The following ASTN2 variants were observed in gnomAD, a reference collection of about 807,000 sequenced individuals.
ASTN2 encodes astrotactin 2, also known as astrotactin-2.
Under a neutral mutation model 139.8 loss-of-function variants are expected in ASTN2, and 54 were observed. The observed-to-expected ratio is 0.39, with a 90% CI of 0.31 to 0.48. The LOEUF (loss-of-function observed/expected upper bound fraction) is 0.48, where lower values mean the gene tolerates loss of function less well. ASTN2 is among the 20% of genes least tolerant of loss of function. The pLI, the probability that ASTN2 is intolerant of heterozygous loss-of-function variation, is 0.95. For missense variants in ASTN2, 1,565 were observed against 1,725.1 expected (o/e 0.91, Z 1.64); for synonymous variants, 756 against 719.5 (o/e 1.05, Z -0.81).
chr9:117,025,851 G>A (rs1250763653), intron 6 of ASTN2, among the ~76,000 whole-genome samples: 4 of 148,980 alleles, frequency 2.7e-5, no homozygotes, highest in Admixed American at 6.8e-5. Context: ...GAGTGCAGTC[G>A]CGTGATCTTG....
At chr9:116,596,217 G>A (rs1171236685) in intron 19 of ASTN2, among the ~76,000 whole-genome samples, 1 of 152,164 alleles carries the variant, frequency 6.6e-6, no homozygotes, top group Non-Finnish European at 1.5e-5. Flanking sequence ...TATATGAGAG[G>A]TATCTAAAAT....
chr9:117,178,489 A>G (rs1830973216), intron 3 of ASTN2, among the ~76,000 whole-genome samples: 1 of 152,240 alleles, frequency 6.6e-6, no homozygotes, highest in Admixed American at 6.5e-5. Flanking sequence ...GACCAGAGAT[A>G]TATGTCCAAC....
chr9:116,449,100 AT>A (rs1242012959), intron 20 of ASTN2, among the ~76,000 whole-genome samples: 1 of 152,096 alleles, frequency 6.6e-6, no homozygotes, highest in African/African-American at 2.4e-5. Context: ...CTGTTCTGTA[AT>A]GTTTCTTGTC....
At chr9:116,756,967 T>C (rs1458574739) in intron 13 of ASTN2, among the ~76,000 whole-genome samples, 2 of 152,216 alleles carry the variant, frequency 1.3e-5, no homozygotes, top group Non-Finnish European at 2.9e-5. Flanking sequence ...GTGTCTCACT[T>C]GCTGGGCCTG....
At chr9:116,553,483 G>A (rs796490685) in intron 19 of ASTN2, among the ~76,000 whole-genome samples, 9 of 152,280 alleles carry the variant, frequency 5.9e-5, no homozygotes, top group African/African-American at 2.2e-4. Flanking sequence ...CAGAAACGAT[G>A]TGTCCAGGAC....
intron 13 of ASTN2, among the ~76,000 whole-genome samples, chr9:116,802,225 A>C (rs942534528): frequency 6.6e-6 from 1 of 151,522 alleles, no homozygotes; most frequent in African/African-American, 2.4e-5. Flanking sequence ...TAGCTGGGAC[A>C]ACAGGCAGCC....
intron 6 of ASTN2, among the ~76,000 whole-genome samples, chr9:117,034,662 C>T (rs1312422676): frequency 6.6e-6 from 1 of 152,130 alleles, no homozygotes; most frequent in Non-Finnish European, 1.5e-5. Flanking sequence ...GGGCTCTACC[C>T]TCAGAGAATC....
chr9:117,273,375 G>A lies in ASTN2; in HGVS notation c.630+17951C>T, dbSNP rs138296665. 4.6e-5 allele frequency among the ~76,000 whole-genome samples: 7 copies of A among 152,318 alleles called. No individual in the cohort carries two copies. The East Asian group carries it at 1.3e-3, about 29-fold the overall frequency. On this transcript the variant is annotated intron_variant, in intron 2 of 22. Coordinates refer to ENST00000313400, the MANE Select transcript of ASTN2 (RefSeq NM_001365068.1). ...CCAAACCATATCAGGGCTCTAGTCT[G>A]AGCTCCATCCATTCTAGTAGAAGAG... is the stretch of plus-strand genomic sequence containing the variant.
chr9:117,021,253 TATTTTCAG>T (rs1229715457), intron 6 of ASTN2, among the ~76,000 whole-genome samples: 1 of 152,178 alleles, frequency 6.6e-6, no homozygotes, highest in African/African-American at 2.4e-5. Context: ...GGTTGGGTTC[TATTTTCAG>T]TTGGAACCAA....
intron 3 of ASTN2, chr9:117,181,069 T>A: frequency 7.4e-7 from 1 of 1,354,848 alleles, no homozygotes; most frequent in Non-Finnish European, 1.0e-6. Context: ...CTGAAAGGCC[T>A]GTTTCCATGG....
chr9:117,232,170 C>A (rs1218952431), intron 2 of ASTN2, among the ~76,000 whole-genome samples: 2 of 152,108 alleles, frequency 1.3e-5, no homozygotes, highest in Non-Finnish European at 2.9e-5. Flanking sequence ...TTTTACTCAT[C>A]CGTTTAATGG....
At chr9:117,072,216 T>C (rs1273619799) in intron 5 of ASTN2, among the ~76,000 whole-genome samples, 5 of 152,074 alleles carry the variant, frequency 3.3e-5, no homozygotes, top group African/African-American at 1.2e-4. Context: ...TTCTATCGTT[T>C]CCAAGAATGA....
At chr9:117,323,535 C>T (rs1828407265) in intron 1 of ASTN2, among the ~76,000 whole-genome samples, 1 of 152,160 alleles carries the variant, frequency 6.6e-6, no homozygotes, top group South Asian at 2.1e-4. Context: ...TTACTCCAGC[C>T]CCCACCCTTC....
chr9:117,323,064 G>A (rs1446133847), intron 1 of ASTN2, among the ~76,000 whole-genome samples: 3 of 151,830 alleles, frequency 2.0e-5, no homozygotes, highest in Admixed American at 6.6e-5. Context: ...TTTTAATTTA[G>A]TTTTAGCCCT....
chr9:116,749,859 T>G (rs1829352247), intron 13 of ASTN2, among the ~76,000 whole-genome samples: 1 of 152,158 alleles, frequency 6.6e-6, no homozygotes, highest in Admixed American at 6.5e-5. Flanking sequence ...GCTCTCACTC[T>G]CATTATGTGA....
Position 116,697,839 on chromosome 9 carries a change from C to T in ASTN2, c.2806+27932G>A, listed in dbSNP as rs778141507. On this transcript the variant is annotated intron_variant, in intron 16 of 22. Coordinates refer to ENST00000313400, the MANE Select transcript of ASTN2 (RefSeq NM_001365068.1). ...GGAGTCCTTCACAGAAGAGCAGCTGCGTCCCAAGCTTCTGCACTGTGGCCA... is the reference window on the plus strand; with the variant it reads ...GGAGTCCTTCACAGAAGAGCAGCTGTGTCCCAAGCTTCTGCACTGTGGCCA... 40 of 1,614,034 alleles carry T rather than the reference C, an allele frequency of 2.5e-5. No homozygotes were observed. The highest frequency in any genetic ancestry group is 3.4e-5 in the Non-Finnish European group (40 of 1,180,038).
chr9:116,800,977 G>C (rs1387516591), intron 13 of ASTN2, among the ~76,000 whole-genome samples: 1 of 152,132 alleles, frequency 6.6e-6, no homozygotes, highest in Non-Finnish European at 1.5e-5. Flanking sequence ...GATCTAGGCA[G>C]GGGCAGGGAG....
intron 13 of ASTN2, among the ~76,000 whole-genome samples, chr9:116,789,628 C>T (rs1830478791): frequency 6.6e-6 from 1 of 152,178 alleles, no homozygotes; most frequent in African/African-American, 2.4e-5. Context: ...CAATTCAGGG[C>T]ATCTCTTTGA....
At chr9:116,639,945 T>A (rs553982612) in intron 17 of ASTN2, among the ~76,000 whole-genome samples, 2 of 152,346 alleles carry the variant, frequency 1.3e-5, no homozygotes, top group East Asian at 3.9e-4. Context: ...TTTTTAAGTG[T>A]ATTTATTGAA....
Sources: allele counts gnomAD v4.1 joint callset (sites outside exome capture counted in the v4.1 genomes callset), GRCh38; gene constraint gnomAD v4.1.1; transcripts MANE v1.5; gene names NCBI Gene and HGNC (gene_info 2026-07-23, HGNC 2026-07-21).